TNFRSF11A: variants seen among roughly 807,000 people sequenced by gnomAD.
TNFRSF11A encodes the protein TNF receptor superfamily member 11a.
In TNFRSF11A, 32 loss-of-function variants were observed where a neutral mutation model predicts 55.7. The observed-to-expected ratio is 0.57, with a 90% CI of 0.43 to 0.77. The LOEUF (loss-of-function observed/expected upper bound fraction) is 0.77, where lower values mean the gene tolerates loss of function less well. TNFRSF11A is among the 30% of genes least tolerant of loss of function. The pLI is 0.00. For missense variants in TNFRSF11A, 753 were observed against 809.8 expected (o/e 0.93, Z 0.85); for synonymous variants, 311 against 331.0 (o/e 0.94, Z 0.65).
intron 1 of TNFRSF11A, among the ~76,000 whole-genome samples, chr18:62,346,146 G>A (rs150824505): frequency 5.3e-5 from 8 of 152,262 alleles, no homozygotes; most frequent in Admixed American, 1.3e-4. Flanking sequence ...TCATTTTACT[G>A]AGTCTGTGGC....
intron 9 of TNFRSF11A, among the ~76,000 whole-genome samples, chr18:62,373,770 G>A (rs2145369613): frequency 6.6e-6 from 1 of 152,276 alleles, no homozygotes; most frequent in Non-Finnish European, 1.5e-5. Context: ...TAGCATTATA[G>A]ACTCTCCAAG....
chr18:62,368,339 A>G (rs1304563925), intron 8 of TNFRSF11A, among the ~76,000 whole-genome samples: 2 of 152,222 alleles, frequency 1.3e-5, no homozygotes, highest in Non-Finnish European at 2.9e-5. Flanking sequence ...TGATACACAG[A>G]GCTGCTTACT....
chr18:62,341,945 G>A (rs1181567832), intron 1 of TNFRSF11A, among the ~76,000 whole-genome samples: 5 of 144,422 alleles, frequency 3.5e-5, no homozygotes, highest in African/African-American at 7.8e-5. Flanking sequence ...GCCCAGTTTC[G>A]AGGACTGCCC....
chr18:62,359,156 C>T (rs1460052158), intron 5 of TNFRSF11A, among the ~76,000 whole-genome samples: 1 of 152,146 alleles, frequency 6.6e-6, no homozygotes, highest in African/African-American at 2.4e-5. Context: ...GAGTCAGAGG[C>T]AGGAGGTTTG....
At position 62,368,947 on chromosome 18, in the gene TNFRSF11A, C is replaced by T; in HGVS notation, c.1030C>T (p.Pro344Ser). 6.2e-7 allele frequency: 1 copy of T among 1,614,236 alleles called. No individual in the cohort carries two copies. Among genetic ancestry groups the T allele is most frequent in the South Asian group, 1.1e-5 (1 of 91,092 alleles). The change falls in exon 9 of 10, where the codon CCC becomes TCC. Residue 344 changes from proline to serine, a missense_variant. Physicochemically the swap from Pro to Ser is moderately conservative, Grantham distance 74. Coordinates refer to ENST00000586569, the MANE Select transcript of TNFRSF11A (RefSeq NM_003839.4). ...AGAGGAAGACAGCTTCAGACAGATG[C>T]CCACAGAAGATGAATACATGGACAG... ...EIEEDSFRQM[P>S]TEDEYMDRPS...
intron 8 of TNFRSF11A, among the ~76,000 whole-genome samples, chr18:62,367,061 G>A (rs546774910): frequency 1.1e-4 from 17 of 152,284 alleles, no homozygotes; most frequent in African/African-American, 3.9e-4. Flanking sequence ...TGTTGGCCAC[G>A]CTAGTCTCGA....
chr18:62,334,854 T>C (rs939786328), intron 1 of TNFRSF11A, among the ~76,000 whole-genome samples: 2 of 151,368 alleles, frequency 1.3e-5, no homozygotes, highest in Admixed American at 6.6e-5. Context: ...ACTAGCGGGG[T>C]TTAGGGGGAG....
intron 5 of TNFRSF11A, among the ~76,000 whole-genome samples, chr18:62,358,552 T>G (rs1030644498): frequency 2.6e-5 from 4 of 152,230 alleles, no homozygotes; most frequent in African/African-American, 9.6e-5. Context: ...GAACTTCGTG[T>G]GACTTTTTAG....
At chr18:62,341,248 A>G (rs187542245) in intron 1 of TNFRSF11A, among the ~76,000 whole-genome samples, 2 of 152,342 alleles carry the variant, frequency 1.3e-5, no homozygotes, top group East Asian at 1.9e-4. Context: ...CTCATCGCCA[A>G]TTTCACATTG....
intron 3 of TNFRSF11A, among the ~76,000 whole-genome samples, chr18:62,354,003 T>A (rs1334840808): frequency 1.3e-5 from 2 of 152,152 alleles, no homozygotes; most frequent in African/African-American, 4.8e-5. Context: ...TAAGGTCCAG[T>A]CTTGCGTTAG....
intron 1 of TNFRSF11A, among the ~76,000 whole-genome samples, chr18:62,344,778 G>C (rs114567219): frequency 2.0e-3 from 305 of 152,320 alleles, no homozygotes; most frequent in Middle Eastern, 6.8e-3. Flanking sequence ...CCAGAATACT[G>C]TAGGCAAAAT....
At chr18:62,363,354 G>T (rs8083014) in intron 7 of TNFRSF11A, among the ~76,000 whole-genome samples, 49,414 of 145,796 alleles carry the variant, frequency 0.34, 9,650 homozygotes, top group African/African-American at 0.51. Context: ...AGCAATGTTT[G>T]AGTGATGACC....
chr18:62,361,890 T>C, intron 7 of TNFRSF11A, 97 bp downstream of exon 7: 5 of 1,102,590 alleles, frequency 4.5e-6, no homozygotes, highest in Non-Finnish European at 5.6e-6. Flanking sequence ...TTGCTGCCTA[T>C]GGTGATCTGC....
At position 62,390,855 on chromosome 18, in the gene TNFRSF11A, C is replaced by T. The variant is rs999807597; in HGVS notation, c.*5821C>T. 2.6e-5 allele frequency: 4 copies of T among 152,094 alleles called. No individual in the cohort carries two copies. The highest frequency in any genetic ancestry group is 6.5e-5 in the Admixed American group (1 of 15,270). 9.4% of individuals were successfully genotyped at this position (152,094 alleles called of 1,614,324 possible). ...GTGGAAAAATAAACATTTTTTACAT[C>T]GGGTCTATTGAGTTTGTTATATACA... On this transcript the variant is annotated 3_prime_UTR_variant, in exon 10 of 10. Coordinates refer to ENST00000586569, the MANE Select transcript of TNFRSF11A (RefSeq NM_003839.4).
chr18:62,334,659 T>A, intron 1 of TNFRSF11A, among the ~76,000 whole-genome samples: 1 of 152,252 alleles, frequency 6.6e-6, no homozygotes. Context: ...CCTGGGCTCC[T>A]CTTTTGACAT....
intron 9 of TNFRSF11A, among the ~76,000 whole-genome samples, chr18:62,372,636 C>T (rs575959185): frequency 2.0e-4 from 30 of 152,216 alleles, no homozygotes; most frequent in African/African-American, 7.0e-4. Flanking sequence ...AGCACAGTAT[C>T]TTCAATCCTT....
At chr18:62,363,368 T>C (rs1276344222) in intron 7 of TNFRSF11A, among the ~76,000 whole-genome samples, 2 of 50,784 alleles carry the variant, frequency 3.9e-5, no homozygotes, top group East Asian at 1.5e-3. Flanking sequence ...GATGACCCTT[T>C]TTTTTTTTTT....
At chr18:62,336,425 C>G (rs772006546) in intron 1 of TNFRSF11A, 1 of 152,260 alleles carries the variant, frequency 6.6e-6, no homozygotes, top group Non-Finnish European at 1.5e-5. Flanking sequence ...ACTTTGGGGA[C>G]TCCTGGCCTG....
At position 62,387,367 on chromosome 18, in the gene TNFRSF11A, A is replaced by T. The variant is rs995893566; in HGVS notation, c.*2333A>T. On this transcript the variant is annotated 3_prime_UTR_variant, in exon 10 of 10. Coordinates refer to ENST00000586569, the MANE Select transcript of TNFRSF11A (RefSeq NM_003839.4). ...TGAACTGAAGCAGTAATGAACAGTT[A>T]TTAGGGGGAACATGATAAAGAGATT... 3 of 152,228 alleles carry T rather than the reference A, an allele frequency of 2.0e-5. No homozygotes were observed. Among genetic ancestry groups the T allele is most frequent in the Non-Finnish European group, 4.4e-5 (3 of 68,042 alleles). 9.4% of individuals were successfully genotyped at this position (152,228 alleles called of 1,614,324 possible).
Sources: allele counts gnomAD v4.1 joint callset (sites outside exome capture counted in the v4.1 genomes callset), GRCh38; gene constraint gnomAD v4.1.1; transcripts MANE v1.5; gene names NCBI Gene and HGNC (gene_info 2026-07-23, HGNC 2026-07-21).